NRCAM: variants seen among roughly 807,000 people sequenced by gnomAD.
The protein encoded by NRCAM is neuronal cell adhesion molecule.
NRCAM carries 83 observed loss-of-function variants against 156.5 expected under a neutral mutation model. That is an observed-to-expected ratio of 0.53 (90% CI 0.44 to 0.64). The LOEUF is 0.64. NRCAM is among the 30% of genes least tolerant of loss of function. NRCAM has a pLI of 0.00. For synonymous variants in NRCAM, 538 were observed against 563.9 expected (o/e 0.95, Z 0.65); for missense variants, 1,417 against 1,597.3 (o/e 0.89, Z 1.92).
At chr7:108,400,755 A>G (rs1159962667) in intron 1 of NRCAM, among the ~76,000 whole-genome samples, 1 of 152,128 alleles carries the variant, frequency 6.6e-6, no homozygotes, top group African/African-American at 2.4e-5. Flanking sequence ...ACAGTGACTT[A>G]CACAAGGTCC....
chr7:108,160,269 A>G, intron 31 of NRCAM, 92 bp downstream of exon 31: 1 of 1,314,958 alleles, frequency 7.6e-7, no homozygotes, highest in Non-Finnish European at 1.1e-6. Context: ...GGAAGACAAA[A>G]TATTACAATC....
chr7:108,409,700 G>GT (rs1277457397), intron 1 of NRCAM, among the ~76,000 whole-genome samples: 1 of 152,134 alleles, frequency 6.6e-6, no homozygotes, highest in Non-Finnish European at 1.5e-5. Flanking sequence ...TATGTAACCT[G>GT]TAATAGACCC....
At chr7:108,218,105 A>T (rs1280407280) in intron 11 of NRCAM, among the ~76,000 whole-genome samples, 2 of 150,160 alleles carry the variant, frequency 1.3e-5, no homozygotes, top group African/African-American at 5.0e-5. Context: ...GGCAAAGCAT[A>T]CTATCTGGGC....
intron 2 of NRCAM, among the ~76,000 whole-genome samples, chr7:108,320,390 C>T (rs964343164): frequency 3.9e-5 from 6 of 151,936 alleles, no homozygotes; most frequent in African/African-American, 9.7e-5. Flanking sequence ...TCTGGCAGGT[C>T]GAGGCAGCAG....
chr7:108,348,053 T>A (rs2099381955), intron 2 of NRCAM, among the ~76,000 whole-genome samples: 1 of 152,248 alleles, frequency 6.6e-6, no homozygotes, highest in Admixed American at 6.5e-5. Context: ...TGTATTCATC[T>A]TTGTGCCCCA....
At chr7:108,213,552 CTT>C (rs1242950032) in intron 11 of NRCAM, among the ~76,000 whole-genome samples, 1 of 152,118 alleles carries the variant, frequency 6.6e-6, no homozygotes, top group Non-Finnish European at 1.5e-5. Flanking sequence ...CTCACATAAA[CTT>C]AAAATAAAGG....
At chr7:108,168,845 G>A (rs561646600) in intron 28 of NRCAM, among the ~76,000 whole-genome samples, 1 of 152,236 alleles carries the variant, frequency 6.6e-6, no homozygotes, top group East Asian at 1.9e-4. Context: ...TCTCAATGCA[G>A]GTCTTTAAAA....
chr7:108,210,593 C>G (rs532866611), intron 11 of NRCAM, among the ~76,000 whole-genome samples: 1 of 152,264 alleles, frequency 6.6e-6, no homozygotes, highest in East Asian at 1.9e-4. Flanking sequence ...GATGAAAAGT[C>G]AGAATATAGG....
chr7:108,204,071 A>G (rs1257431191), intron 13 of NRCAM, among the ~76,000 whole-genome samples: 1 of 152,170 alleles, frequency 6.6e-6, no homozygotes, highest in Non-Finnish European at 1.5e-5. Flanking sequence ...CAAACTCCAG[A>G]TGGGAAGCAA....
chr7:108,221,125 T>C (rs761938990), intron 11 of NRCAM, among the ~76,000 whole-genome samples: 88 of 151,950 alleles, frequency 5.8e-4, no homozygotes, highest in Non-Finnish European at 9.6e-4. Context: ...ATCAGGGAAA[T>C]GCAAATCAAA....
At chr7:108,176,761 T>A (rs577683389) in intron 26 of NRCAM, 155 bp from the exon 27 acceptor site, 1 of 600,612 alleles carries the variant, frequency 1.7e-6, no homozygotes, top group African/African-American at 1.9e-5. Context: ...GTGATAACCT[T>A]TTAACAGCTC....
In NRCAM at chr7:108,369,041, T is replaced by C. The variant is rs1035263958; in HGVS notation, c.-174+30395A>G. ...AACCTTATTAAAAATACTTAATGTA[T>C]TCTATATAATTCTCTTTGTAAAACC... On this transcript the variant is annotated intron_variant, in intron 2 of 32. Transcript: ENST00000379028. Among the ~76,000 whole-genome samples the C allele has an allele frequency of 3.3e-5, 5 of 152,296 alleles. No homozygotes were observed. In the South Asian group the frequency reaches 1.0e-3, roughly 32 times the overall value.
chr7:108,376,622 G>A (rs1427348305), intron 2 of NRCAM, among the ~76,000 whole-genome samples: 1 of 152,112 alleles, frequency 6.6e-6, no homozygotes, highest in Non-Finnish European at 1.5e-5. Context: ...GGGTATGCCT[G>A]CCTAATTCTC....
intron 27 of NRCAM, among the ~76,000 whole-genome samples, chr7:108,175,914 C>G (rs1213105743): frequency 6.6e-6 from 1 of 152,070 alleles, no homozygotes; most frequent in African/African-American, 2.4e-5. Flanking sequence ...TGCTCAAACA[C>G]AAAATAAATG....
At chr7:108,279,827 T>C (rs182773476) in intron 3 of NRCAM, among the ~76,000 whole-genome samples, 59 of 152,186 alleles carry the variant, frequency 3.9e-4, no homozygotes, top group African/African-American at 1.3e-3. Context: ...CCTAAAGTGC[T>C]GAGAAAACAG....
chr7:108,254,405 T>C (rs1164797976), intron 3 of NRCAM, among the ~76,000 whole-genome samples: 1 of 152,154 alleles, frequency 6.6e-6, no homozygotes, highest in African/African-American at 2.4e-5. Context: ...GAAACCACAA[T>C]GCGATACTAC....
intron 2 of NRCAM, among the ~76,000 whole-genome samples, chr7:108,386,199 T>C (rs1202457460): frequency 6.6e-6 from 1 of 152,210 alleles, no homozygotes; most frequent in African/African-American, 2.4e-5. Context: ...TTTTGGCTTC[T>C]AGTCCAGTGC....
chr7:108,162,884 C>A (rs2050137056), intron 30 of NRCAM, among the ~76,000 whole-genome samples: 1 of 152,116 alleles, frequency 6.6e-6, no homozygotes, highest in South Asian at 2.1e-4. Flanking sequence ...GACTTTCCAT[C>A]CATAAAAGAA....
intron 3 of NRCAM, among the ~76,000 whole-genome samples, chr7:108,261,011 G>C (rs1447805405): frequency 6.6e-6 from 1 of 152,106 alleles, no homozygotes; most frequent in Non-Finnish European, 1.5e-5. Flanking sequence ...TAGGTACTAG[G>C]TTCCTAAAGG....
Sources: gnomAD v4.1 joint callset for allele counts (sites outside exome capture counted in the v4.1 genomes callset) on GRCh38, gnomAD v4.1.1 for gene constraint, MANE v1.5 for transcripts, NCBI Gene and HGNC (gene_info 2026-07-23, HGNC 2026-07-21) for gene names.